GNB1: variants seen among roughly 807,000 people sequenced by gnomAD.
GNB1 encodes G protein subunit beta 1, also known as guanine nucleotide-binding protein G(I)/G(S)/G(T) subunit beta-1.
A neutral mutation model predicts 42.9 loss-of-function variants in GNB1; 2 were observed. That is an observed-to-expected ratio of 0.05 (90% CI 0.02 to 0.15). GNB1 has a LOEUF of 0.15. GNB1 is among the 10% of genes least tolerant of loss of function. GNB1 has a pLI of 1.00. For synonymous variants in GNB1, 183 were observed against 174.7 expected, an observed-to-expected ratio of 1.05 and a Z score of -0.38; for missense variants, 193 against 462.2, an observed-to-expected ratio of 0.42 and a Z score of 5.34.
intron 1 of GNB1, among the ~76,000 whole-genome samples, chr1:1,890,102 C>A (rs1354515338): frequency 6.6e-6 from 1 of 152,130 alleles, no homozygotes; most frequent in African/African-American, 2.4e-5. Context: ...GGGGTCCGCG[C>A]AACCCTCGAG....
chr1:1,885,619 C>G (rs1387248712), intron 1 of GNB1, among the ~76,000 whole-genome samples: 1 of 140,036 alleles, frequency 7.1e-6, no homozygotes, highest in South Asian at 2.3e-4. Flanking sequence ...TGCAGTAGCA[C>G]GATCTCGGCT....
rs1434065422 is a variant in GNB1, at chr1:1,790,921, TCATGGATGGG to T, written c.498-335_498-326del. Among the ~76,000 whole-genome samples, 2 of 152,086 alleles carry T rather than the reference TCATGGATGGG, an allele frequency of 1.3e-5. No homozygotes were observed. The highest frequency in any genetic ancestry group is 4.1e-4 in the South Asian group (2 of 4,830). Reference sequence around the variant, plus strand: ...CACTGAGGCTGTGCCCCCTCTTTGGTCATGGATGGGCATGGAAGGGGTGGCAGGAAGCTAC... The same window carrying T: ...CACTGAGGCTGTGCCCCCTCTTTGGTCATGGAAGGGGTGGCAGGAAGCTAC... On this transcript the variant is annotated intron_variant, in intron 8 of 11. Transcript: ENST00000378609. The surrounding 1 kb of genome is among the most constrained non-coding windows in gnomAD (Gnocchi z 5.4).
chr1:1,848,357 C>CAAAAAAAAAA (rs56979938), intron 1 of GNB1, among the ~76,000 whole-genome samples: 3 of 94,364 alleles, frequency 3.2e-5, no homozygotes, highest in African/African-American at 1.4e-4. Context: ...CCAGCCCAGG[C>CAAAAAAAAAA]AAAAAAAAAA....
chr1:1,825,247 G>T lies in GNB1; in HGVS notation c.57+150C>A, dbSNP rs1367102278. ...AACAATGTACTAGGCTAAGTATCTA[G>T]ATCTATAATTAGTACATCCTGGGCC... On this transcript the variant is annotated intron_variant, in intron 3 of 11. Transcript: ENST00000378609. The T allele has an allele frequency of 7.5e-6, 5 of 664,404 alleles. No individual in the cohort carries two copies. The East Asian group carries it at 1.3e-4, about 17-fold the overall frequency. 41.2% of individuals were successfully genotyped at this position (664,404 alleles called of 1,614,324 possible).
Position 1,790,651 on chromosome 1 carries a change from G to A in GNB1, c.498-55C>T. 8.1e-7 allele frequency: 1 copy of A among 1,233,672 alleles called. No individual in the cohort carries two copies. Among genetic ancestry groups the A allele is most frequent in the Non-Finnish European group, 1.2e-6 (1 of 842,836 alleles). The allele number at this position is 1,233,672 out of a possible 1,614,324, so 76.4% of individuals were successfully genotyped here. ...TCAGCCTTAACTTCTTGGGTGGCTA[G>A]TCATGTGACAGACAATCTGTCCTTC... On this transcript the variant is annotated intron_variant, in intron 8 of 11. Coordinates refer to ENST00000378609, the MANE Select transcript of GNB1 (RefSeq NM_002074.5). This position sits in a 1 kb window ranked among gnomAD's most constrained non-coding sequence, Gnocchi z 5.4.
At chr1:1,884,605 T>C (rs1340284234) in intron 1 of GNB1, among the ~76,000 whole-genome samples, 2 of 152,188 alleles carry the variant, frequency 1.3e-5, no homozygotes, top group Non-Finnish European at 2.9e-5. Flanking sequence ...GCTACAGGAC[T>C]GCACACAGAC....
chr1:1,852,566 A>G (rs1648050018), intron 1 of GNB1, among the ~76,000 whole-genome samples: 1 of 151,872 alleles, frequency 6.6e-6, no homozygotes, highest in African/African-American at 2.4e-5. Flanking sequence ...ATGGTGGTGC[A>G]TACCTGTAGT....
chr1:1,820,833 T>C (rs1646922302), intron 3 of GNB1, among the ~76,000 whole-genome samples: 1 of 152,210 alleles, frequency 6.6e-6, no homozygotes, highest in African/African-American at 2.4e-5. Flanking sequence ...TTCAATTCAA[T>C]CTTTATTTTA....
chr1:1,808,498 C>G lies in GNB1; in HGVS notation c.204-1960G>C, dbSNP rs139239493. Reference sequence around the variant, plus strand: ...TTGCTTATGAGAGGTCCTAAGGAACCCTGTAGCACAGAATGCTGTTTTCAA... The same window carrying G: ...TTGCTTATGAGAGGTCCTAAGGAACGCTGTAGCACAGAATGCTGTTTTCAA... On this transcript the variant is annotated intron_variant, in intron 5 of 11. Transcript: ENST00000378609. 2.3e-3 allele frequency among the ~76,000 whole-genome samples: 345 copies of G among 152,182 alleles called. 3 individuals are homozygous for G. Among genetic ancestry groups the G allele is most frequent in the African/African-American group, 7.6e-3 (317 of 41,530 alleles).
At chr1:1,833,639 C>G (rs1222342612) in intron 2 of GNB1, among the ~76,000 whole-genome samples, 2 of 152,156 alleles carry the variant, frequency 1.3e-5, no homozygotes, top group African/African-American at 2.4e-5. Context: ...CGTGGAGTTA[C>G]AGAGGCTGGG....
rs1646471779 is a variant in GNB1, at chr1:1,790,796, T to C, written c.498-200A>G. 6.6e-6 allele frequency among the ~76,000 whole-genome samples: 1 copy of C among 152,158 alleles called. No individual in the cohort carries two copies. The highest frequency in any genetic ancestry group is 2.4e-5 in the African/African-American group (1 of 41,450). ...AAACAAAGCAAAGCAAGCAAAATTATACAGAGATGAGCACAGGGCCTGGGC... is the reference window on the plus strand; with the variant it reads ...AAACAAAGCAAAGCAAGCAAAATTACACAGAGATGAGCACAGGGCCTGGGC... On this transcript the variant is annotated intron_variant, in intron 8 of 11. Transcript: ENST00000378609. The surrounding 1 kb of genome is among the most constrained non-coding windows in gnomAD (Gnocchi z 5.4).
intron 2 of GNB1, among the ~76,000 whole-genome samples, chr1:1,836,228 AC>A (rs1451442863): frequency 1.3e-5 from 2 of 152,092 alleles, no homozygotes; most frequent in African/African-American, 4.8e-5. Flanking sequence ...GGTGGGTGTC[AC>A]AGCCATTCTA....
intron 1 of GNB1, among the ~76,000 whole-genome samples, chr1:1,858,813 G>A (rs1648444105): frequency 6.6e-6 from 1 of 152,128 alleles, no homozygotes. Flanking sequence ...CACCCTTCCC[G>A]ATGACGTCAC....
intron 7 of GNB1, among the ~76,000 whole-genome samples, chr1:1,801,896 A>G (rs370872467): frequency 1.7e-4 from 26 of 152,130 alleles, no homozygotes; most frequent in Non-Finnish European, 2.9e-4. Context: ...AGCTGAAAGG[A>G]CCCCCATGAA....
Position 1,790,581 on chromosome 1 carries a change from G to A in GNB1, c.513C>T (p.Ile171=), listed in dbSNP as rs1342897998. 7 of 1,612,810 alleles carry A rather than the reference G, an allele frequency of 4.3e-6. No homozygotes were observed. Among genetic ancestry groups the A allele is most frequent in the Non-Finnish European group, 4.2e-6 (5 of 1,178,878 alleles). Residue 171 remains isoleucine (I), a synonymous_variant, in exon 9 of 12, where the codon ATC becomes ATT. Coordinates refer to ENST00000378609, the MANE Select transcript of GNB1 (RefSeq NM_002074.5). This position sits in a 1 kb window ranked among gnomAD's most constrained non-coding sequence, Gnocchi z 5.4. Reference sequence around the variant, plus strand: ...ACGTGGTCGTCTGCTGGCCGGTCTCGATGTCCCACAGGGCACTGGAGCAGG... The same window carrying A: ...ACGTGGTCGTCTGCTGGCCGGTCTCAATGTCCCACAGGGCACTGGAGCAGG... ...SGDTTCALWD[I]ETGQQTTTFT... is the part of the protein sequence containing the mutation.
At chr1:1,815,358 G>A (rs761246599) in intron 5 of GNB1, among the ~76,000 whole-genome samples, 2 of 152,178 alleles carry the variant, frequency 1.3e-5, no homozygotes, top group Non-Finnish European at 2.9e-5. Flanking sequence ...CCTGAGCCAG[G>A]GCACTGACAT....
intron 4 of GNB1, among the ~76,000 whole-genome samples, chr1:1,816,491 T>G (rs1646857842): frequency 6.6e-6 from 1 of 151,658 alleles, no homozygotes; most frequent in Non-Finnish European, 1.5e-5. Flanking sequence ...TGTAGCCTAA[T>G]TTTTTTTTCT....
intron 3 of GNB1, among the ~76,000 whole-genome samples, chr1:1,820,135 T>A (rs1008733430): frequency 2.0e-5 from 3 of 152,024 alleles, no homozygotes; most frequent in Admixed American, 2.0e-4. Context: ...GGTGGGTGGA[T>A]CACCTGAGGT....
chr1:1,821,845 A>G (rs1646934027), intron 3 of GNB1, among the ~76,000 whole-genome samples: 1 of 152,202 alleles, frequency 6.6e-6, no homozygotes, highest in South Asian at 2.1e-4. Context: ...ACTGCCTTAG[A>G]TAAAATTTGT....
Sources: allele counts gnomAD v4.1 joint callset (sites outside exome capture counted in the v4.1 genomes callset), GRCh38; gene constraint gnomAD v4.1.1; non-coding constraint Gnocchi (gnomAD v3.1); transcripts MANE v1.5; gene names NCBI Gene and HGNC (gene_info 2026-07-23, HGNC 2026-07-21).